The following GALNT2 variants were observed in gnomAD, a reference collection of about 807,000 sequenced individuals.
GALNT2 encodes the protein polypeptide N-acetylgalactosaminyltransferase 2.
In GALNT2, 31 loss-of-function variants were observed where a neutral mutation model predicts 81.4. The observed-to-expected ratio is 0.38, with a 90% CI of 0.29 to 0.51. GALNT2 has a LOEUF of 0.51. Among genes scored for constraint, GALNT2 ranks in the 20% least tolerant of loss-of-function variants. GALNT2 has a pLI of 0.87. For missense variants in GALNT2, 629 were observed against 765.7 expected, an observed-to-expected ratio of 0.82 and a Z score of 2.11; for synonymous variants, 303 against 287.4, an observed-to-expected ratio of 1.05 and a Z score of -0.55.
chr1:230,224,197 A>C (rs1664637760), intron 3 of GALNT2, among the ~76,000 whole-genome samples: 1 of 152,194 alleles, frequency 6.6e-6, no homozygotes, highest in Admixed American at 6.5e-5. Flanking sequence ...CAAGGGTGCC[A>C]CTTGTCCCAG....
At chr1:230,122,556 G>T (rs1203882125) in intron 1 of GALNT2, among the ~76,000 whole-genome samples, 1 of 151,992 alleles carries the variant, frequency 6.6e-6, no homozygotes, top group Non-Finnish European at 1.5e-5. Context: ...TTCCCCCCAG[G>T]GATAAGGAAA....
intron 8 of GALNT2, among the ~76,000 whole-genome samples, chr1:230,246,942 A>G (rs1007243016): frequency 5.3e-5 from 8 of 152,158 alleles, no homozygotes; most frequent in African/African-American, 1.2e-4. Context: ...CAGTAAAACT[A>G]TAAAATAGGG....
In GALNT2 at chr1:230,279,517, C is replaced by T; in HGVS notation, c.*59C>T. ...GCACCATTGGGTGGAGTCTGGTGAT[C>T]ACATTATTGATTATGTTTCTTAAAC... On this transcript the variant is annotated 3_prime_UTR_variant, in exon 16 of 16. Coordinates refer to ENST00000366672, the MANE Select transcript of GALNT2 (RefSeq NM_004481.5). This position sits in a 1 kb window ranked among gnomAD's most constrained non-coding sequence, Gnocchi z 4.6. The T allele has an allele frequency of 1.3e-6, 2 of 1,560,834 alleles. No homozygotes were observed. Among genetic ancestry groups the T allele is most frequent in the Non-Finnish European group, 1.7e-6 (2 of 1,146,824 alleles).
chr1:230,225,945 C>T (rs1382416611), intron 3 of GALNT2, among the ~76,000 whole-genome samples: 2 of 152,200 alleles, frequency 1.3e-5, no homozygotes, highest in East Asian at 3.8e-4. Context: ...CAGTCAGGGC[C>T]TAGGCATGTT....
At chr1:230,235,821 C>G (rs1322412964) in intron 3 of GALNT2, among the ~76,000 whole-genome samples, 193 bp from the exon 4 acceptor site, 2 of 152,104 alleles carry the variant, frequency 1.3e-5, no homozygotes, top group African/African-American at 2.4e-5. Context: ...GAACGTAACT[C>G]CGGTTGTGTT....
At position 230,264,972 on chromosome 1, in the gene GALNT2, CAAAAAAAA is replaced by C. The variant is rs67239229; in HGVS notation, c.1314-255_1314-248del. 5.1e-3 allele frequency: 871 copies of C among 170,678 alleles called. 4 individuals are homozygous for C. Among genetic ancestry groups the C allele is most frequent in the East Asian group, 0.021 (261 of 12,364 alleles). 10.6% of individuals were successfully genotyped at this position (170,678 alleles called of 1,614,324 possible). A position where few individuals can be genotyped will look rare whatever the true frequency, so the allele number is the denominator to read the frequency against. On this transcript the variant is annotated intron_variant, in intron 13 of 15. Coordinates refer to ENST00000366672, the MANE Select transcript of GALNT2 (RefSeq NM_004481.5). Reference sequence around the variant, plus strand: ...GTATCAGGAGCTTTTCCTTCCTTTCCAAAAAAAAAAAAAAAAAAAAATGACCTGATATA... The same window carrying C: ...GTATCAGGAGCTTTTCCTTCCTTTCCAAAAAAAAAAAAATGACCTGATATA...
At chr1:230,080,938 C>T (rs1215530565) in intron 1 of GALNT2, among the ~76,000 whole-genome samples, 7 of 152,170 alleles carry the variant, frequency 4.6e-5, no homozygotes, top group East Asian at 1.9e-4. Context: ...GGTGTTGACA[C>T]GGGTTCTTGG....
intron 1 of GALNT2, among the ~76,000 whole-genome samples, chr1:230,173,099 A>G (rs1662846594): frequency 1.3e-5 from 2 of 152,236 alleles, no homozygotes; most frequent in African/African-American, 2.4e-5. Context: ...TAAAATGTCT[A>G]ATAACAATAA....
At chr1:230,277,400 A>G (rs1247272773) in intron 15 of GALNT2, among the ~76,000 whole-genome samples, 1 of 152,202 alleles carries the variant, frequency 6.6e-6, no homozygotes, top group Non-Finnish European at 1.5e-5. Context: ...CAGTCCCTCC[A>G]GTGGCCAGAA....
intron 1 of GALNT2, among the ~76,000 whole-genome samples, chr1:230,073,968 G>A (rs1659451424): frequency 1.3e-5 from 2 of 152,188 alleles, no homozygotes; most frequent in African/African-American, 4.8e-5. Flanking sequence ...CAGGAGGGTT[G>A]GGGGTAGAGT....
chr1:230,083,710 G>C lies in GALNT2; in HGVS notation c.126+16304G>C, dbSNP rs1659816676. Among the ~76,000 whole-genome samples the C allele has an allele frequency of 2.0e-5, 3 of 152,330 alleles. No individual in the cohort carries two copies. In the Middle Eastern group the frequency reaches 0.01, roughly 518 times the overall value. Reference sequence around the variant, plus strand: ...ACGGTGTCCGGAGAGTAAGGAGATGGTCAGCACTGAGCATTTAGTTTCTTC... The same window carrying C: ...ACGGTGTCCGGAGAGTAAGGAGATGCTCAGCACTGAGCATTTAGTTTCTTC... On this transcript the variant is annotated intron_variant, in intron 1 of 15. Coordinates refer to ENST00000366672, the MANE Select transcript of GALNT2 (RefSeq NM_004481.5).
At chr1:230,195,248 G>A (rs1663653952) in intron 2 of GALNT2, among the ~76,000 whole-genome samples, 1 of 152,204 alleles carries the variant, frequency 6.6e-6, no homozygotes, top group South Asian at 2.1e-4. Context: ...AAACACCATT[G>A]TCTCTGTGTT....
chr1:230,207,032 A>T (rs1235488750), intron 3 of GALNT2, among the ~76,000 whole-genome samples: 2 of 150,508 alleles, frequency 1.3e-5, no homozygotes, highest in Non-Finnish European at 3.0e-5. Flanking sequence ...AGTTCCTCTC[A>T]CCACCCACAC....
intron 1 of GALNT2, among the ~76,000 whole-genome samples, chr1:230,120,800 T>A (rs1660993284): frequency 6.6e-6 from 1 of 152,146 alleles, no homozygotes; most frequent in South Asian, 2.1e-4. Flanking sequence ...TGGCCCCAGG[T>A]CGTCACACAT....
rs752602610 is a variant in GALNT2 at position 230,178,327 on chromosome 1, A to G, written c.220+16A>G. 4 of 1,600,048 alleles carry G rather than the reference A, an allele frequency of 2.5e-6. No individual in the cohort carries two copies. The highest frequency in any genetic ancestry group is 3.3e-5 in the Admixed American group (2 of 59,812). On this transcript the variant is annotated intron_variant, in intron 2 of 15. Coordinates refer to ENST00000366672, the MANE Select transcript of GALNT2 (RefSeq NM_004481.5). Reference sequence around the variant, plus strand: ...CTCCCTCCAGGTACTGCCAGGGGCCAGGAAGCCATCTTGCTTTGAGCACGT... The same window carrying G: ...CTCCCTCCAGGTACTGCCAGGGGCCGGGAAGCCATCTTGCTTTGAGCACGT...
At chr1:230,064,869 T>C (rs1389104971), upstream of GALNT2, among the ~76,000 whole-genome samples, 2 of 152,250 alleles carry the variant, frequency 1.3e-5, no homozygotes, top group African/African-American at 4.8e-5. Context: ...CTTTGCATGT[T>C]GCTGTTCAGA....
chr1:230,262,670 G>T lies in GALNT2; in HGVS notation c.1229+5G>T, dbSNP rs548289813. Reference sequence around the variant, plus strand: ...TAGAAACGTTCCTTATGGAAAGTAAGTGGCAGTTCTGCCTTCTCACAATTA... The same window carrying T: ...TAGAAACGTTCCTTATGGAAAGTAATTGGCAGTTCTGCCTTCTCACAATTA... On this transcript the variant is annotated splice_donor_5th_base_variant and intron_variant, in intron 12 of 15. Coordinates refer to ENST00000366672, the MANE Select transcript of GALNT2 (RefSeq NM_004481.5). 3 of 1,609,302 alleles carry T rather than the reference G, an allele frequency of 1.9e-6. No individual in the cohort carries two copies. The highest frequency in any genetic ancestry group is 2.6e-6 in the Non-Finnish European group (3 of 1,175,720).
intron 3 of GALNT2, among the ~76,000 whole-genome samples, chr1:230,225,087 C>T (rs1306600505): frequency 2.0e-5 from 3 of 152,116 alleles, no homozygotes; most frequent in Non-Finnish European, 4.4e-5. Flanking sequence ...TTTGAAAGAC[C>T]TCTATAGAAA....
rs571474577 is a variant in GALNT2 at position 230,254,141 on chromosome 1, T to A, written c.1010-1077T>A. On this transcript the variant is annotated intron_variant, in intron 10 of 15. Transcript: ENST00000366672. Reference sequence around the variant, plus strand: ...TTTCAGAAAATTCTTAGTTTTTTTGTTGAATCTGTTTCTTGCATTCAGTCG... The same window carrying A: ...TTTCAGAAAATTCTTAGTTTTTTTGATGAATCTGTTTCTTGCATTCAGTCG... 2.2e-4 allele frequency among the ~76,000 whole-genome samples: 33 copies of A among 152,288 alleles called. No homozygotes were observed. In the South Asian group the frequency reaches 6.8e-3, roughly 32 times the overall value.
Sources: gnomAD v4.1 joint callset for allele counts (sites outside exome capture counted in the v4.1 genomes callset) on GRCh38, gnomAD v4.1.1 for gene constraint, Gnocchi (gnomAD v3.1) non-coding constraint, MANE v1.5 for transcripts, NCBI Gene and HGNC (gene_info 2026-07-23, HGNC 2026-07-21) for gene names.